ZFHX3: variants seen among roughly 807,000 people sequenced by gnomAD.
ZFHX3 encodes the protein zinc finger homeobox 3, also known as zinc finger homeobox protein 3.
Under a neutral mutation model 279.1 loss-of-function variants are expected in ZFHX3, and 42 were observed. The ratio of observed to expected loss-of-function variants is 0.15; its 90% CI spans 0.12 to 0.19. ZFHX3 has a LOEUF of 0.19. Ranked by LOEUF, ZFHX3 falls within the 10% of genes least tolerant of loss-of-function variation. The pLI is 1.00. For synonymous variants in ZFHX3, 2,293 were observed against 1,957.8 expected, an observed-to-expected ratio of 1.17 and a Z score of -4.52; for missense variants, 4,981 against 4,754.0, an observed-to-expected ratio of 1.05 and a Z score of -1.40.
intron 7 of ZFHX3, among the ~76,000 whole-genome samples, chr16:73,096,282 T>G (rs1966162129): frequency 6.6e-6 from 1 of 151,670 alleles, no homozygotes; most frequent in Non-Finnish European, 1.5e-5. Context: ...GGCTGGGTCT[T>G]TCATGGTCTG....
At chr16:73,214,843 C>CATTTTTTTTT (rs781227170) in intron 5 of ZFHX3, among the ~76,000 whole-genome samples, 4 of 79,250 alleles carry the variant, frequency 5.0e-5, no homozygotes, top group Non-Finnish European at 8.9e-5. Context: ...TGCTGAAGGC[C>CATTTTTTTTT]TTTTTTTTTT....
At chr16:72,850,576 A>G (rs924286044) in intron 4 of ZFHX3, among the ~76,000 whole-genome samples, 6 of 152,124 alleles carry the variant, frequency 3.9e-5, no homozygotes, top group African/African-American at 1.2e-4. Flanking sequence ...GGTCCACAGA[A>G]CCATGGACCA....
Position 72,811,597 on chromosome 16 carries a change from C to A in ZFHX3, c.3844G>T (p.Val1282Leu). ...THLHSVAPDCVEKLIMTVTTP... is the reference protein window; with the variant it reads ...THLHSVAPDCLEKLIMTVTTP... The stretch of plus-strand genomic sequence containing the variant: ...CTTACCGTCATAATGAGCTTCTCCA[C>A]GCAGTCAGGTGCCACGCTGTGGAGG... Residue 1282 changes from valine to leucine, a missense_variant, in exon 7 of 10, where the codon GTG (valine) becomes TTG (leucine). This residue lies in a region of ZFHX3 where 1,751 missense variants were observed against 1,770.0 expected (regional missense o/e 0.99). Coordinates refer to ENST00000268489, the MANE Select transcript of ZFHX3 (RefSeq NM_006885.4). 5 of 1,600,844 alleles carry A rather than the reference C, an allele frequency of 3.1e-6. No homozygotes were observed. The highest frequency in any genetic ancestry group is 4.3e-6 in the Non-Finnish European group (5 of 1,171,776).
intron 3 of ZFHX3, among the ~76,000 whole-genome samples, chr16:73,345,891 T>G (rs897796422): frequency 6.6e-6 from 1 of 152,128 alleles, no homozygotes; most frequent in African/African-American, 2.4e-5. Flanking sequence ...AGGGCACAGA[T>G]GGGTCCCTGA....
chr16:72,921,421 T>C (rs557626616), intron 3 of ZFHX3, among the ~76,000 whole-genome samples: 1 of 152,294 alleles, frequency 6.6e-6, no homozygotes, highest in South Asian at 2.1e-4. Context: ...ATGAAGGAGA[T>C]ACATAGGGCT....
chr16:73,805,164 T>C (rs899275841), intron 1 of ZFHX3, among the ~76,000 whole-genome samples: 4 of 152,112 alleles, frequency 2.6e-5, no homozygotes, highest in Non-Finnish European at 5.9e-5. Flanking sequence ...TATATTTTTA[T>C]TTTTATTATA....
Position 73,239,498 on chromosome 16 carries a change from T to C in ZFHX3, c.-1104+17549A>G, listed in dbSNP as rs544561584. Among the ~76,000 whole-genome samples the C allele has an allele frequency of 9.2e-5, 14 of 152,338 alleles. No individual in the cohort carries two copies. In the South Asian group the frequency reaches 2.9e-3, roughly 32 times the overall value. On this transcript the variant is annotated intron_variant, in intron 5 of 17. Coordinates refer to the ZFHX3 transcript ENST00000641206. ...AGAGAGTTTGTTCTTCTCTCTGCCA[T>C]TTCTAAGATGTTTCCATTTTCCTTT...
intron 3 of ZFHX3, among the ~76,000 whole-genome samples, chr16:72,911,972 G>A (rs993856774): frequency 6.6e-6 from 1 of 152,244 alleles, no homozygotes; most frequent in African/African-American, 2.4e-5. Context: ...GCCCGGTAAT[G>A]TAGACGCTGT....
chr16:72,959,638 A>T lies in ZFHX3; in HGVS notation c.508T>A (p.Phe170Ile), dbSNP rs1366807470. Residue 170 changes from phenylalanine to isoleucine, a missense_variant, in exon 2 of 10, where the codon TTC becomes ATC. This residue lies in a region of ZFHX3 where 1,068 missense variants were observed against 935.2 expected (regional missense o/e 1.14). Transcript: ENST00000268489. The stretch of plus-strand genomic sequence containing the variant: ...CCCGCGCCAGGGAGAGAGTTCAGGA[A>T]AAGCGAGGGGAGAGGCCCACTGCCA... ...GSGSGPLPSL[F>I]LNSLPGAGGK... 3 of 1,613,944 alleles carry T rather than the reference A, an allele frequency of 1.9e-6. No individual in the cohort carries two copies. Among genetic ancestry groups the T allele is most frequent in the Non-Finnish European group, 2.5e-6 (3 of 1,180,030 alleles).
chr16:73,336,551 T>C (rs986305567), intron 3 of ZFHX3, among the ~76,000 whole-genome samples: 2 of 152,202 alleles, frequency 1.3e-5, no homozygotes, highest in Admixed American at 6.5e-5. Context: ...TCCATGTTGC[T>C]GCAAAAGACA....
intron 5 of ZFHX3, among the ~76,000 whole-genome samples, chr16:73,170,868 T>C (rs1266069306): frequency 1.3e-5 from 2 of 152,114 alleles, no homozygotes; most frequent in Non-Finnish European, 2.9e-5. Context: ...AGTGCCCTCA[T>C]GTGCCCCAGC....
chr16:73,277,637 G>C (rs34718168), intron 4 of ZFHX3, among the ~76,000 whole-genome samples: 15,959 of 152,106 alleles, frequency 0.1, 1,344 homozygotes, highest in African/African-American at 0.23. Flanking sequence ...GGAATTCATC[G>C]CTGAATATTT....
intron 1 of ZFHX3, among the ~76,000 whole-genome samples, chr16:73,791,022 C>T (rs1052164816): frequency 6.6e-5 from 10 of 151,944 alleles, no homozygotes; most frequent in African/African-American, 1.7e-4. Context: ...TGGAGTGCAG[C>T]GGCACAATCA....
intron 3 of ZFHX3, among the ~76,000 whole-genome samples, chr16:72,939,533 G>A (rs1307790761): frequency 1.3e-5 from 2 of 152,174 alleles, no homozygotes; most frequent in Non-Finnish European, 2.9e-5. Flanking sequence ...GCTCCCAAGG[G>A]CAAAAGGGGT....
intron 5 of ZFHX3, among the ~76,000 whole-genome samples, chr16:73,197,928 T>G (rs1381317313): frequency 8.2e-5 from 9 of 109,746 alleles, no homozygotes; most frequent in African/African-American, 4.1e-4. Context: ...TTGGTGGTTT[T>G]TTTTTTTTTT....
At chr16:73,054,351 C>T (rs760780370) in intron 1 of ZFHX3, among the ~76,000 whole-genome samples, 1 of 151,804 alleles carries the variant, frequency 6.6e-6, no homozygotes, top group Non-Finnish European at 1.5e-5. Context: ...GCCACCAGCC[C>T]GGTTCCCCTC....
At chr16:73,663,332 T>TA (rs2142177375) in intron 2 of ZFHX3, among the ~76,000 whole-genome samples, 1 of 152,322 alleles carries the variant, frequency 6.6e-6, no homozygotes, top group Non-Finnish European at 1.5e-5. Flanking sequence ...GGTAGCCCTT[T>TA]AGCAGGTCAC....
intron 4 of ZFHX3, 84 bp from the exon 5 acceptor site, chr16:72,829,943 C>T (rs10454702): frequency 4.1e-5 from 58 of 1,406,684 alleles, no homozygotes; most frequent in African/African-American, 2.8e-4. Context: ...CAACTGCCAA[C>T]GACAGAACAG....
At chr16:73,024,663 TC>T (rs1228835600) in intron 1 of ZFHX3, among the ~76,000 whole-genome samples, 1 of 152,222 alleles carries the variant, frequency 6.6e-6, no homozygotes, top group African/African-American at 2.4e-5. Flanking sequence ...CATGTGTCAG[TC>T]GGGTTCCGCC....
Sources: allele counts gnomAD v4.1 joint callset (sites outside exome capture counted in the v4.1 genomes callset), GRCh38; gene constraint gnomAD v4.1.1; regional missense constraint gnomAD v4.1.1; transcripts MANE v1.5; gene names NCBI Gene and HGNC (gene_info 2026-07-23, HGNC 2026-07-21).